LOC400499: variants seen among roughly 807,000 people sequenced by gnomAD.
chr16:11,513,561 G>C, the LOC400499 span, among the ~76,000 whole-genome samples: 8 of 151,970 alleles, frequency 5.3e-5, no homozygotes, highest in East Asian at 1.5e-3. Context: ...CTCCCGAGTA[G>C]CTGGAATTAC....
the LOC400499 span, among the ~76,000 whole-genome samples, chr16:11,398,056 T>A: frequency 2.0e-5 from 3 of 152,072 alleles, no homozygotes; most frequent in Non-Finnish European, 4.4e-5. Flanking sequence ...CTACAGCAGC[T>A]CTAACTCATG....
At chr16:11,380,711 A>C in the LOC400499 span, 2 of 150,154 alleles carry the variant, frequency 1.3e-5, no homozygotes, top group Non-Finnish European at 3.0e-5. Context: ...TTAAAAAAAT[A>C]AACCCTAAGG....
the LOC400499 span, among the ~76,000 whole-genome samples, chr16:11,427,459 T>C: frequency 6.6e-6 from 1 of 152,212 alleles, no homozygotes; most frequent in Admixed American, 6.5e-5. Flanking sequence ...TGATTATTTT[T>C]TTTGAGACAG....
At chr16:11,392,878 G>T in the LOC400499 span, 1 of 866,580 alleles carries the variant, frequency 1.2e-6, no homozygotes, top group Non-Finnish European at 1.4e-6. Context: ...TTTTGAGACA[G>T]AGTCTCGCTC....
the LOC400499 span, chr16:11,469,026 G>C: frequency 2.5e-6 from 1 of 396,814 alleles, no homozygotes; most frequent in Non-Finnish European, 4.4e-6. Flanking sequence ...ACATTTCTGG[G>C]TAATAGAACT....
the LOC400499 span, chr16:11,465,283 C>A: frequency 6.6e-6 from 1 of 152,166 alleles, no homozygotes; most frequent in South Asian, 2.1e-4. Context: ...TGCGCCACCA[C>A]ACCCAGCTAA....
chr16:11,457,531 T>C, the LOC400499 span, among the ~76,000 whole-genome samples: 2 of 147,054 alleles, frequency 1.4e-5, no homozygotes, highest in African/African-American at 5.1e-5. Flanking sequence ...AGGCAGAGCT[T>C]GCAGTGAGCC....
the LOC400499 span, chr16:11,485,131 A>G: frequency 2.5e-6 from 1 of 398,686 alleles, no homozygotes; most frequent in East Asian, 3.6e-5. Flanking sequence ...GGTGATGATG[A>G]GCTGTTAGGC....
the LOC400499 span, among the ~76,000 whole-genome samples, chr16:11,375,270 A>G: frequency 0.97 from 135,327 of 140,012 alleles, 66,053 homozygotes; most frequent in Middle Eastern, 1. Context: ...TTTCTGTATT[A>G]ATTACAGCCA....
the LOC400499 span, among the ~76,000 whole-genome samples, chr16:11,502,937 T>TTTTAA: frequency 1.4e-5 from 2 of 146,244 alleles, no homozygotes; most frequent in African/African-American, 5.2e-5. Context: ...TTTTTTTTTT[T>TTTTAA]AAGAGACAGG....
the LOC400499 span, among the ~76,000 whole-genome samples, chr16:11,387,715 C>A: frequency 6.6e-6 from 1 of 152,122 alleles, no homozygotes; most frequent in Non-Finnish European, 1.5e-5. Flanking sequence ...GCAACCTCTG[C>A]CTCCCGGGTT....
At chr16:11,422,103 T>C in the LOC400499 span, among the ~76,000 whole-genome samples, 2 of 152,214 alleles carry the variant, frequency 1.3e-5, no homozygotes, top group African/African-American at 4.8e-5. Context: ...AGGTTTATCA[T>C]TGAAACAGCG....
At chr16:11,434,083 G>C in the LOC400499 span, among the ~76,000 whole-genome samples, 1 of 152,154 alleles carries the variant, frequency 6.6e-6, no homozygotes, top group Admixed American at 6.5e-5. Context: ...AGGAACCTGA[G>C]TGAGGGGGAG....
At chr16:11,508,882 G>A in the LOC400499 span, 3 of 398,812 alleles carry the variant, frequency 7.5e-6, no homozygotes, top group South Asian at 3.8e-4. Flanking sequence ...TGGATGGGAT[G>A]ACCATATGGG....
the LOC400499 span, among the ~76,000 whole-genome samples, chr16:11,498,150 A>T: frequency 6.6e-6 from 1 of 152,180 alleles, no homozygotes; most frequent in East Asian, 1.9e-4. Flanking sequence ...AAGAAGCCAC[A>T]CTTCACCAAC....
chr16:11,524,718 C>A, the LOC400499 span, among the ~76,000 whole-genome samples: 1 of 152,016 alleles, frequency 6.6e-6, no homozygotes, highest in Admixed American at 6.6e-5. Context: ...TCCTGGAGCT[C>A]CCTCCCTGGG....
At chr16:11,390,454 G>A in the LOC400499 span, 1 of 1,244,436 alleles carries the variant, frequency 8.0e-7, no homozygotes, top group Non-Finnish European at 1.0e-6. Flanking sequence ...CTTCAGTGTG[G>A]CCAGGGGCCC....
the LOC400499 span, chr16:11,383,943 G>C: frequency 8.1e-7 from 1 of 1,231,928 alleles, no homozygotes; most frequent in Non-Finnish European, 1.0e-6. Flanking sequence ...CCCAGCAGGC[G>C]GGGAGCTGTC....
the LOC400499 span, chr16:11,460,005 TC>T: frequency 6.7e-7 from 1 of 1,500,548 alleles, no homozygotes. Flanking sequence ...GTAGCTCACC[TC>T]CAGCTGTGAG....
Sources: gnomAD v4.1 joint callset for allele counts (sites outside exome capture counted in the v4.1 genomes callset) on GRCh38, gnomAD v4.1.1 for gene constraint, MANE v1.5 for transcripts.